SLC16A2: variants seen among roughly 807,000 people sequenced by gnomAD.
SLC16A2 encodes monocarboxylate transporter 8.
A neutral mutation model predicts 27.2 loss-of-function variants in SLC16A2; 3 were observed. The observed-to-expected ratio is 0.11, with a 90% CI of 0.05 to 0.28. The LOEUF (loss-of-function observed/expected upper bound fraction) is 0.28, where lower values mean the gene tolerates loss of function less well. Among genes scored for constraint, SLC16A2 ranks in the 10% least tolerant of loss-of-function variants. SLC16A2 has a pLI of 1.00. For missense variants in SLC16A2, 295 were observed against 458.5 expected, an observed-to-expected ratio of 0.64 and a Z score of 3.26; for synonymous variants, 202 against 187.8, an observed-to-expected ratio of 1.08 and a Z score of -0.62.
At chrX:74,429,206 G>C (rs1029784354) in intron 1 of SLC16A2, among the ~76,000 whole-genome samples, 5 of 111,673 alleles carry the variant, frequency 4.5e-5, no homozygotes, top group Non-Finnish European at 9.4e-5. Flanking sequence ...AGTGGCTCAA[G>C]CCTGTAATCC....
chrX:74,530,203 C>T (rs1930547089), intron 5 of SLC16A2, among the ~76,000 whole-genome samples: 1 of 105,160 alleles, frequency 9.5e-6, no homozygotes, highest in Admixed American at 1.1e-4. Context: ...TGGGTTCAAA[C>T]GATTCTCCTG....
At chrX:74,434,184 G>GA (rs140165355) in intron 1 of SLC16A2, among the ~76,000 whole-genome samples, 34,617 of 110,594 alleles carry the variant, frequency 0.31, 4,576 homozygotes, top group African/African-American at 0.5. Flanking sequence ...CCCTTGAGAA[G>GA]ACATAACACA....
intron 1 of SLC16A2, among the ~76,000 whole-genome samples, chrX:74,423,080 T>C (rs1175389029): frequency 8.9e-6 from 1 of 112,754 alleles, no homozygotes; most frequent in Non-Finnish European, 1.9e-5. Flanking sequence ...AGGCCGCCTG[T>C]GAGCTGGGAG....
intron 1 of SLC16A2, among the ~76,000 whole-genome samples, chrX:74,448,700 G>C (rs1283269232): frequency 1.8e-5 from 2 of 111,091 alleles, no homozygotes; most frequent in Non-Finnish European, 3.8e-5. Context: ...AGGCTGCAAA[G>C]TTTGAAGTAT....
rs867053882 is a variant in SLC16A2, at chrX:74,450,282, G to A, written c.430+28215G>A. ...AATATTTGTTGAATGAATAATGGCC[G>A]AACAGATGAAGACTAAACATACCTA... On this transcript the variant is annotated intron_variant, in intron 1 of 5. Transcript: ENST00000587091. Among the ~76,000 whole-genome samples the A allele has an allele frequency of 3.6e-5, 4 of 112,036 alleles. No homozygotes were observed. The South Asian group carries it at 1.1e-3, about 31-fold the overall frequency.
chrX:74,533,582 A>G lies in SLC16A2; in HGVS notation c.*2029A>G, dbSNP rs776194407. 8.9e-6 allele frequency: 1 copy of G among 112,710 alleles called. No individual in the cohort carries two copies. Among genetic ancestry groups the G allele is most frequent in the African/African-American group, 3.2e-5 (1 of 30,946 alleles). 9.3% of individuals were successfully genotyped at this position (112,710 alleles called of 1,213,427 possible). Reference sequence around the variant, plus strand: ...TTCTGTAGGACCTCTTTTGTTGCTTAAGATGCAGATGGCTCTTAAGAATCA... The same window carrying G: ...TTCTGTAGGACCTCTTTTGTTGCTTGAGATGCAGATGGCTCTTAAGAATCA... On this transcript the variant is annotated 3_prime_UTR_variant, in exon 6 of 6. Transcript: ENST00000587091.
intron 1 of SLC16A2, among the ~76,000 whole-genome samples, chrX:74,501,959 A>G (rs977711925): frequency 1.8e-5 from 2 of 111,629 alleles, no homozygotes; most frequent in Non-Finnish European, 3.8e-5. Context: ...CTTAAAGTAT[A>G]ATAATAATAA....
At chrX:74,436,993 C>G (rs1928641785) in intron 1 of SLC16A2, among the ~76,000 whole-genome samples, 1 of 112,496 alleles carries the variant, frequency 8.9e-6, no homozygotes, top group Non-Finnish European at 1.9e-5. Flanking sequence ...CCTGTACTGG[C>G]CACGCCAGCC....
intron 1 of SLC16A2, among the ~76,000 whole-genome samples, chrX:74,470,208 A>C: frequency 8.9e-6 from 1 of 112,391 alleles, no homozygotes. Flanking sequence ...GAGCTTATCC[A>C]TTCACCTACC....
intron 1 of SLC16A2, among the ~76,000 whole-genome samples, chrX:74,461,586 G>T (rs1216152178): frequency 9.0e-6 from 1 of 111,250 alleles, no homozygotes; most frequent in African/African-American, 3.3e-5. Flanking sequence ...TCCCTCACAC[G>T]CAGTGCTAGG....
chrX:74,499,755 T>A (rs1378609098), intron 1 of SLC16A2, among the ~76,000 whole-genome samples: 1 of 111,859 alleles, frequency 8.9e-6, no homozygotes, highest in African/African-American at 3.3e-5. Context: ...CGCCCCATCA[T>A]CTCTTGTAAT....
chrX:74,472,688 A>G, intron 1 of SLC16A2, among the ~76,000 whole-genome samples: 1 of 108,722 alleles, frequency 9.2e-6, no homozygotes, highest in East Asian at 2.8e-4. Context: ...TTAAAAAGAC[A>G]TTTATTCAGC....
intron 1 of SLC16A2, among the ~76,000 whole-genome samples, chrX:74,484,939 G>A (rs1241164795): frequency 8.9e-6 from 1 of 111,734 alleles, no homozygotes; most frequent in East Asian, 2.8e-4. Context: ...TATTTTGGCC[G>A]GGTGCAGTGG....
intron 1 of SLC16A2, among the ~76,000 whole-genome samples, chrX:74,423,322 G>C (rs1367111722): frequency 6.3e-5 from 7 of 111,723 alleles, no homozygotes; most frequent in Non-Finnish European, 1.1e-4. Flanking sequence ...CCATCCTCTC[G>C]CCAACCTCCA....
intron 1 of SLC16A2, among the ~76,000 whole-genome samples, chrX:74,435,099 G>A (rs768328071): frequency 9.1e-6 from 1 of 110,209 alleles, no homozygotes; most frequent in African/African-American, 3.3e-5. Context: ...CAAAGTACTG[G>A]AATTACAGGT....
chrX:74,518,570 A>G (rs959908966), intron 1 of SLC16A2, among the ~76,000 whole-genome samples: 4 of 109,252 alleles, frequency 3.7e-5, no homozygotes, highest in Non-Finnish European at 5.7e-5. Flanking sequence ...CAGCCTGGAG[A>G]CAGAATGAAA....
intron 2 of SLC16A2, among the ~76,000 whole-genome samples, chrX:74,522,528 T>G (rs1254966059): frequency 8.9e-6 from 1 of 111,817 alleles, no homozygotes; most frequent in Non-Finnish European, 1.9e-5. Context: ...CCTGGCTCCT[T>G]GTGGGGAGGA....
At chrX:74,475,866 C>T (rs903920703) in intron 1 of SLC16A2, among the ~76,000 whole-genome samples, 3 of 111,701 alleles carry the variant, frequency 2.7e-5, no homozygotes, top group African/African-American at 6.5e-5. Context: ...CAGTACCATG[C>T]TGTTTTGGTT....
intron 1 of SLC16A2, among the ~76,000 whole-genome samples, chrX:74,446,093 T>C (rs1410755551): frequency 1.8e-5 from 2 of 111,247 alleles, no homozygotes; most frequent in Admixed American, 9.6e-5. Context: ...GTCCACAGAC[T>C]CTGATGCTAG....
Sources: allele counts gnomAD v4.1 joint callset (sites outside exome capture counted in the v4.1 genomes callset), GRCh38; gene constraint gnomAD v4.1.1; transcripts MANE v1.5; gene names NCBI Gene and HGNC (gene_info 2026-07-23, HGNC 2026-07-21).